The following PPP2R5B variants were observed in gnomAD, a reference collection of about 807,000 sequenced individuals.
PPP2R5B encodes serine/threonine-protein phosphatase 2A 56 kDa regulatory subunit beta isoform.
In PPP2R5B, 19 loss-of-function variants were observed where a neutral mutation model predicts 59.9. That is an observed-to-expected ratio of 0.32 (90% confidence interval 0.22 to 0.47). The LOEUF (loss-of-function observed/expected upper bound fraction) is 0.47, where lower values mean the gene tolerates loss of function less well. Ranked by LOEUF, PPP2R5B falls within the 20% of genes least tolerant of loss-of-function variation. The pLI, the probability that PPP2R5B is intolerant of heterozygous loss-of-function variation, is 1.00. For synonymous variants in PPP2R5B, 286 were observed against 260.5 expected, an observed-to-expected ratio of 1.10 and a Z score of -0.94; for missense variants, 441 against 640.2, an observed-to-expected ratio of 0.69 and a Z score of 3.36.
At chr11:64,921,308 C>T (rs1157642680), upstream of PPP2R5B, among the ~76,000 whole-genome samples, 1 of 127,990 alleles carries the variant, frequency 7.8e-6, no homozygotes, top group African/African-American at 2.9e-5. Context: ...CATTTAGGGG[C>T]TTCTTCTACT....
In PPP2R5B at chr11:64,928,112, A is replaced by AAC; in HGVS notation, c.545_546insAC (p.Pro183ArgfsTer15). On this transcript the variant is annotated frameshift_variant, in exon 5 of 14. Transcript: ENST00000164133. LOFTEE classifies it high-confidence loss of function. ...CGTTTCTTGGAGAGCCCAGACTTCC[A>AAC]GCCCTCCGTGGCCAAGAGATATGTG... 1 of 1,614,212 alleles carries AAC rather than the reference A, an allele frequency of 6.2e-7. No individual in the cohort carries two copies. The highest frequency in any genetic ancestry group is 1.1e-5 in the South Asian group (1 of 91,080).
At chr11:64,917,826 G>A (rs1945052418) in intron 1 of PPP2R5B, among the ~76,000 whole-genome samples, 1 of 152,166 alleles carries the variant, frequency 6.6e-6, no homozygotes, top group Non-Finnish European at 1.5e-5. Context: ...CATCACCAAG[G>A]AAGGTCTTTT....
At chr11:64,928,208 C>T in intron 5 of PPP2R5B, 50 bp downstream of exon 5, 1 of 1,613,398 alleles carries the variant, frequency 6.2e-7, no homozygotes, top group Non-Finnish European at 8.5e-7. Flanking sequence ...GGGGCAGGCT[C>T]TCTGAGGGGC....
At chr11:64,927,469 T>G (rs1288922082) in intron 3 of PPP2R5B, among the ~76,000 whole-genome samples, 1 of 152,158 alleles carries the variant, frequency 6.6e-6, no homozygotes, top group Non-Finnish European at 1.5e-5. Flanking sequence ...ATCCCAGCAC[T>G]TTGGGCCAAG....
chr11:64,933,956 CT>C lies in PPP2R5B; in HGVS notation c.*114del. On this transcript the variant is annotated 3_prime_UTR_variant, in exon 14 of 14. Transcript: ENST00000164133. ...CCTACCCCTGGCCTTGCCAGAGTGG[CT>C]TCTGAGGACTCCCTGCCCAGCCCAG... is the stretch of plus-strand genomic sequence containing the variant. 1.2e-5 allele frequency: 16 copies of C among 1,286,934 alleles called. No homozygotes were observed. The highest frequency in any genetic ancestry group is 1.5e-5 in the Non-Finnish European group (15 of 979,534). 79.7% of individuals were successfully genotyped at this position (1,286,934 alleles called of 1,614,324 possible).
Position 64,934,165 on chromosome 11 carries a change from CA to C in PPP2R5B, c.*323del, listed in dbSNP as rs905047518. The C allele has an allele frequency of 1.3e-5, 4 of 319,986 alleles. No homozygotes were observed. The highest frequency in any genetic ancestry group is 8.6e-5 in the African/African-American group (4 of 46,656). 19.8% of individuals were successfully genotyped at this position (319,986 alleles called of 1,614,324 possible). A position where few individuals can be genotyped will look rare whatever the true frequency, so the allele number is the denominator to read the frequency against. On this transcript the variant is annotated 3_prime_UTR_variant, in exon 14 of 14. Coordinates refer to ENST00000164133, the MANE Select transcript of PPP2R5B (RefSeq NM_006244.4). ...CCCACCCTCTGCTCCTGGCCTTGGG[CA>C]AGGGCACTCAGCGCCTCGCCTGCCC... is the stretch of plus-strand genomic sequence containing the variant.
Position 64,925,731 on chromosome 11 carries a change from C to A in PPP2R5B, c.-4C>A. 6.3e-7 allele frequency: 1 copy of A among 1,584,770 alleles called. No individual in the cohort carries two copies. ...CTGAAAGCTTGCCCTGCCGCCTGAC[C>A]GCCATGGAGACGAAGCTGCCCCCTG... is the stretch of plus-strand genomic sequence containing the variant. On this transcript the variant is annotated 5_prime_UTR_variant, in exon 2 of 14. Coordinates refer to ENST00000164133, the MANE Select transcript of PPP2R5B (RefSeq NM_006244.4). This position sits in a 1 kb window ranked among gnomAD's most constrained non-coding sequence, Gnocchi z 4.6.
At chr11:64,927,191 C>T (rs142484215) in intron 3 of PPP2R5B, among the ~76,000 whole-genome samples, 90 of 152,310 alleles carry the variant, frequency 5.9e-4, no homozygotes, top group African/African-American at 2.0e-3. Context: ...GCCAAGAAGC[C>T]GCTGTCAATA....
intron 1 of PPP2R5B, among the ~76,000 whole-genome samples, chr11:64,917,945 T>G (rs752332247): frequency 6.6e-6 from 1 of 152,168 alleles, no homozygotes; most frequent in Non-Finnish European, 1.5e-5. Flanking sequence ...GCTTTTCATA[T>G]CTCTAGTCCT....
In PPP2R5B at chr11:64,925,887, C is replaced by A; in HGVS notation, c.153C>A (p.Arg51=). 6.2e-7 allele frequency: 1 copy of A among 1,612,144 alleles called. No homozygotes were observed. Among genetic ancestry groups the A allele is most frequent in the Non-Finnish European group, 8.5e-7 (1 of 1,179,910 alleles). ...GCTCCCACAGCTCCTCTCAGTTCCG[C>A]TATCAGAGCAACCAGCAAGAGCTCA... ...PRRSHSSSQF[R]YQSNQQELTP... is the part of the protein sequence containing the mutation. The change falls in exon 2 of 14, where the codon CGC becomes CGA. Residue 51 remains arginine (R), a synonymous_variant. Coordinates refer to ENST00000164133, the MANE Select transcript of PPP2R5B (RefSeq NM_006244.4). The surrounding 1 kb of genome is among the most constrained non-coding windows in gnomAD (Gnocchi z 4.6).
chr11:64,919,228 A>G (rs1255379492), intron 1 of PPP2R5B, among the ~76,000 whole-genome samples: 4 of 152,134 alleles, frequency 2.6e-5, no homozygotes, highest in Admixed American at 2.6e-4. Context: ...CTGTAGTCCC[A>G]GCTACTCGGG....
chr11:64,925,740 G>A lies in PPP2R5B; in HGVS notation c.6G>A (p.Glu2=), dbSNP rs1169358478. ...TGCCCTGCCGCCTGACCGCCATGGA[G>A]ACGAAGCTGCCCCCTGCAAGCACCC... M[E]TKLPPASTPT... is the part of the protein sequence containing the mutation. The change falls in exon 2 of 14, where the codon GAG becomes GAA. Residue 2 remains glutamate (E), a synonymous_variant. Transcript: ENST00000164133. The surrounding 1 kb of genome is among the most constrained non-coding windows in gnomAD (Gnocchi z 4.6). 3 of 1,590,272 alleles carry A rather than the reference G, an allele frequency of 1.9e-6. No homozygotes were observed. Among genetic ancestry groups the A allele is most frequent in the South Asian group, 1.1e-5 (1 of 89,192 alleles).
intron 3 of PPP2R5B, among the ~76,000 whole-genome samples, chr11:64,927,577 T>C (rs1284727413): frequency 6.6e-6 from 1 of 152,134 alleles, no homozygotes; most frequent in Non-Finnish European, 1.5e-5. Flanking sequence ...AGTGGTGTGC[T>C]ACTGTAGTCC....
upstream of PPP2R5B, among the ~76,000 whole-genome samples, chr11:64,919,993 C>G (rs1945095807): frequency 1.3e-5 from 2 of 151,776 alleles, no homozygotes; most frequent in African/African-American, 4.8e-5. Context: ...CACGTGTAAT[C>G]CCAGCATTTT....
At chr11:64,930,965 C>T (rs1945222068) in intron 8 of PPP2R5B, among the ~76,000 whole-genome samples, 1 of 152,058 alleles carries the variant, frequency 6.6e-6, no homozygotes, top group African/African-American at 2.4e-5. Flanking sequence ...CCTCTACCTG[C>T]TGGGCTCAAG....
intron 2 of PPP2R5B, 78 bp downstream of exon 2, chr11:64,926,011 C>T (rs1041816105): frequency 1.6e-5 from 22 of 1,414,896 alleles, no homozygotes; most frequent in African/African-American, 5.7e-5. Flanking sequence ...TGGGAGGCAG[C>T]GGGCAGCTGC....
In PPP2R5B at chr11:64,925,576, G is replaced by T; in HGVS notation, c.-159G>T. ...GTCTGCCCCCCAGGACTGGGCAGTT[G>T]CAGGAGGCCCTGGGGGGGGGCCCAG... On this transcript the variant is annotated 5_prime_UTR_variant, in exon 2 of 14. Coordinates refer to ENST00000164133, the MANE Select transcript of PPP2R5B (RefSeq NM_006244.4). This position sits in a 1 kb window ranked among gnomAD's most constrained non-coding sequence, Gnocchi z 4.6. 1 of 587,792 alleles carries T rather than the reference G, an allele frequency of 1.7e-6. No homozygotes were observed. 36.4% of individuals were successfully genotyped at this position (587,792 alleles called of 1,614,324 possible).
At chr11:64,932,978 G>A in intron 12 of PPP2R5B, 86 bp downstream of exon 12, 2 of 1,560,324 alleles carry the variant, frequency 1.3e-6, no homozygotes, top group South Asian at 2.3e-5. Flanking sequence ...CTCCTAGCTG[G>A]AGAATATCAG....
Position 64,928,324 on chromosome 11 carries a change from C to T in PPP2R5B, c.621C>T (p.Pro207=), listed in dbSNP as rs1309869942. Residue 207 remains proline, a synonymous_variant, in exon 6 of 14, where the codon CCC becomes CCT. Transcript: ENST00000164133. ...TGGAGCTATTTGATAGTGAGGATCC[C>T]CGGGAGCGTGAGTACCTCAAGACCA... is the stretch of plus-strand genomic sequence containing the variant. ...MLLELFDSED[P]REREYLKTIL... 5 of 1,614,122 alleles carry T rather than the reference C, an allele frequency of 3.1e-6. No homozygotes were observed. Among genetic ancestry groups the T allele is most frequent in the Non-Finnish European group, 4.2e-6 (5 of 1,180,010 alleles).
Sources: gnomAD v4.1 joint callset for allele counts (sites outside exome capture counted in the v4.1 genomes callset) on GRCh38, gnomAD v4.1.1 for gene constraint, Gnocchi (gnomAD v3.1) non-coding constraint, MANE v1.5 for transcripts, NCBI Gene and HGNC (gene_info 2026-07-23, HGNC 2026-07-21) for gene names.